Variants in NMNAT2 observed in about 807,000 individuals in gnomAD.
NMNAT2 encodes the protein nicotinamide nucleotide adenylyltransferase 2, also known as nicotinamide/nicotinic acid mononucleotide adenylyltransferase 2.
NMNAT2 carries 11 observed loss-of-function variants against 41.6 expected under a neutral mutation model. The observed-to-expected ratio is 0.26, with a 90% CI of 0.17 to 0.44. The LOEUF is 0.44. NMNAT2 is among the 20% of genes least tolerant of loss of function. The pLI is 1.00. For synonymous variants in NMNAT2, 148 were observed against 151.2 expected (o/e 0.98, Z 0.16); for missense variants, 288 against 407.7 (o/e 0.71, Z 2.53).
chr1:183,266,544 C>A, intron 8 of NMNAT2: 1 of 153,070 alleles, frequency 6.5e-6, no homozygotes, highest in Non-Finnish European at 1.5e-5. Flanking sequence ...AAAAGGGAGC[C>A]AAGAAGTGAG....
chr1:183,389,700 C>T (rs1032407942), intron 1 of NMNAT2, among the ~76,000 whole-genome samples: 3 of 146,450 alleles, frequency 2.0e-5, no homozygotes, highest in Non-Finnish European at 4.5e-5. Flanking sequence ...CATGCCATTG[C>T]ACTCCAGCCT....
chr1:183,301,062 A>G (rs576211632), intron 1 of NMNAT2, among the ~76,000 whole-genome samples: 1 of 152,192 alleles, frequency 6.6e-6, no homozygotes, highest in East Asian at 1.9e-4. Context: ...TAAAATGTTG[A>G]TATTTTGTTT....
At chr1:183,348,846 C>T (rs1368758954) in intron 1 of NMNAT2, among the ~76,000 whole-genome samples, 1 of 152,192 alleles carries the variant, frequency 6.6e-6, no homozygotes, top group Non-Finnish European at 1.5e-5. Context: ...ACATAACTTC[C>T]CTGAAATGAC....
chr1:183,273,726 C>A (rs1661044057), intron 8 of NMNAT2, among the ~76,000 whole-genome samples: 1 of 152,016 alleles, frequency 6.6e-6, no homozygotes, highest in African/African-American at 2.4e-5. Context: ...CTTTCTTTCT[C>A]TTTCTTTCTT....
At chr1:183,254,995 C>T (rs2102273616) in intron 10 of NMNAT2, among the ~76,000 whole-genome samples, 1 of 152,244 alleles carries the variant, frequency 6.6e-6, no homozygotes, top group Middle Eastern at 3.4e-3. Flanking sequence ...TTGCCAAGAC[C>T]AATGTCAAGG....
chr1:183,260,970 C>T lies in NMNAT2; in HGVS notation c.821+32G>A, dbSNP rs372600456. On this transcript the variant is annotated intron_variant, in intron 10 of 10. Transcript: ENST00000287713. ...TGTGGAGACTTATAAGACAGTTTGACTAAAGTCTCTCTGGCCATTTGTCAA... is the reference window on the plus strand; with the variant it reads ...TGTGGAGACTTATAAGACAGTTTGATTAAAGTCTCTCTGGCCATTTGTCAA... The T allele has an allele frequency of 4.5e-6, 7 of 1,562,336 alleles. No individual in the cohort carries two copies. In the African/African-American group the frequency reaches 6.8e-5, roughly 15 times the overall value.
chr1:183,328,413 C>T (rs1662513576), intron 1 of NMNAT2, among the ~76,000 whole-genome samples: 1 of 152,240 alleles, frequency 6.6e-6, no homozygotes, highest in South Asian at 2.1e-4. Context: ...GGAGAATGCT[C>T]TTCTAGAATT....
At position 183,251,878 on chromosome 1, in the gene NMNAT2, G is replaced by A. The variant is rs493766; in HGVS notation, c.*763C>T. The A allele has an allele frequency of 0.035, 5,562 of 161,038 alleles. 349 individuals carry two copies. Among genetic ancestry groups the A allele is most frequent in the African/African-American group, 0.13 (5,218 of 40,432 alleles). The allele number at this position is 161,038 out of a possible 1,614,324, so 10.0% of individuals were successfully genotyped here. A position where few individuals can be genotyped will look rare whatever the true frequency, so the allele number is the denominator to read the frequency against. On this transcript the variant is annotated 3_prime_UTR_variant, in exon 11 of 11. Coordinates refer to ENST00000287713, the MANE Select transcript of NMNAT2 (RefSeq NM_015039.4). ...GGTTGCTGCTGCTGCTGCTGCTGCT[G>A]CTACTGCTATATGTGTGTGTGTATG...
chr1:183,307,092 T>A (rs1250676415), intron 1 of NMNAT2, among the ~76,000 whole-genome samples: 1 of 152,192 alleles, frequency 6.6e-6, no homozygotes, highest in Non-Finnish European at 1.5e-5. Flanking sequence ...GTGGGAGTTA[T>A]TAAATCTGAG....
chr1:183,297,143 G>A (rs4652796), intron 1 of NMNAT2, among the ~76,000 whole-genome samples: 62 of 149,208 alleles, frequency 4.2e-4, no homozygotes, highest in African/African-American at 1.5e-3. Flanking sequence ...CTGCCCAACA[G>A]CCTCCTGCTC....
In NMNAT2 at chr1:183,293,812, C is replaced by T. The variant is rs1261135652; in HGVS notation, c.86-19G>A. On this transcript the variant is annotated intron_variant, in intron 1 of 10. Transcript: ENST00000287713. ...GCTCTTTCTAATTAAGAGAAGAAAC[C>T]CACACATTATAAAGAGGAAAGGCAT... The T allele has an allele frequency of 2.6e-6, 4 of 1,560,092 alleles. No homozygotes were observed. The Middle Eastern group carries it at 6.7e-4, about 262-fold the overall frequency.
chr1:183,415,990 C>T (rs762755532), intron 1 of NMNAT2, among the ~76,000 whole-genome samples: 3 of 152,014 alleles, frequency 2.0e-5, no homozygotes, highest in Non-Finnish European at 4.4e-5. Context: ...TCACATTCTG[C>T]CCTGGTCCTC....
chr1:183,284,561 G>T (rs1421030210), intron 6 of NMNAT2, 149 bp downstream of exon 6: 1 of 716,536 alleles, frequency 1.4e-6, no homozygotes, highest in Non-Finnish European at 2.6e-6. Context: ...CGCCTGTGTG[G>T]GGGGATACGT....
intron 1 of NMNAT2, among the ~76,000 whole-genome samples, chr1:183,399,616 G>A (rs542880496): frequency 1.3e-5 from 2 of 152,202 alleles, no homozygotes; most frequent in Non-Finnish European, 2.9e-5. Context: ...AAAAAAAAGA[G>A]AATTTTAGAC....
At chr1:183,302,694 C>T (rs573730188) in intron 1 of NMNAT2, among the ~76,000 whole-genome samples, 1 of 152,188 alleles carries the variant, frequency 6.6e-6, no homozygotes, top group South Asian at 2.1e-4. Flanking sequence ...AGGTACCGAA[C>T]AACTAGGGAT....
At chr1:183,367,919 C>G (rs1663449649) in intron 1 of NMNAT2, among the ~76,000 whole-genome samples, 1 of 152,046 alleles carries the variant, frequency 6.6e-6, no homozygotes, top group Admixed American at 6.5e-5. Context: ...AATGAGGTCC[C>G]CCAGCATGGC....
chr1:183,408,873 T>A (rs1019761752), intron 1 of NMNAT2, among the ~76,000 whole-genome samples: 29 of 152,246 alleles, frequency 1.9e-4, no homozygotes, highest in African/African-American at 3.9e-4. Flanking sequence ...TCTCTTTTTT[T>A]AAAAAAAGTC....
At chr1:183,324,308 C>A (rs924479073) in intron 1 of NMNAT2, among the ~76,000 whole-genome samples, 2 of 152,180 alleles carry the variant, frequency 1.3e-5, no homozygotes, top group South Asian at 4.1e-4. Flanking sequence ...TCAAAAGAGA[C>A]CGTGAGAACT....
In NMNAT2 at chr1:183,284,049, A is replaced by G. The variant is rs746669577; in HGVS notation, c.530-10T>C. The G allele has an allele frequency of 1.2e-5, 20 of 1,611,424 alleles. No individual in the cohort carries two copies. The highest frequency in any genetic ancestry group is 1.6e-5 in the Non-Finnish European group (19 of 1,178,488). ...AGATTGGCATTCTCATCTAAGGAGG[A>G]AAGAAGGAAGGTAGGGCATTAGGGA... On this transcript the variant is annotated splice_polypyrimidine_tract_variant and intron_variant, in intron 6 of 10. Coordinates refer to ENST00000287713, the MANE Select transcript of NMNAT2 (RefSeq NM_015039.4).
Sources: gnomAD v4.1 joint callset for allele counts (sites outside exome capture counted in the v4.1 genomes callset) on GRCh38, gnomAD v4.1.1 for gene constraint, MANE v1.5 for transcripts, NCBI Gene and HGNC (gene_info 2026-07-23, HGNC 2026-07-21) for gene names.